NRG3: variants seen among roughly 807,000 people sequenced by gnomAD.
NRG3 encodes the protein neuregulin 3.
NRG3 carries 31 observed loss-of-function variants against 66.9 expected under a neutral mutation model. The observed-to-expected ratio is 0.46, with a 90% CI of 0.35 to 0.63. The LOEUF is 0.63. Ranked by LOEUF, NRG3 falls within the 20% of genes least tolerant of loss-of-function variation. The probability of loss-of-function intolerance (pLI) is 0.00; values close to 1 mark genes in which losing one functional copy is unlikely to be tolerated. For missense variants in NRG3, 910 were observed against 878.9 expected, an observed-to-expected ratio of 1.04 and a Z score of -0.45; for synonymous variants, 393 against 359.4, an observed-to-expected ratio of 1.09 and a Z score of -1.06.
intron 3 of NRG3, among the ~76,000 whole-genome samples, chr10:82,849,198 G>T (rs956088183): frequency 2.0e-5 from 3 of 152,168 alleles, no homozygotes; most frequent in Non-Finnish European, 2.9e-5. Flanking sequence ...TAAAGATGAA[G>T]GGAGAGATTG....
rs533921890 is a variant in NRG3, at chr10:82,301,122, T to C, written c.824-57617T>C. 8.5e-5 allele frequency among the ~76,000 whole-genome samples: 13 copies of C among 152,368 alleles called. No individual in the cohort carries two copies. In the South Asian group the frequency reaches 2.7e-3, roughly 32 times the overall value. ...AATATGTAATATTTGTGCTGTGTTT[T>C]AACAGTGGCGTGTGACATCTGTTGA... On this transcript the variant is annotated intron_variant, in intron 1 of 8. Coordinates refer to ENST00000372141, the MANE Select transcript of NRG3 (RefSeq NM_001010848.4).
At chr10:82,926,665 T>C (rs999162699) in intron 4 of NRG3, among the ~76,000 whole-genome samples, 1 of 152,322 alleles carries the variant, frequency 6.6e-6, no homozygotes, top group Non-Finnish European at 1.5e-5. Flanking sequence ...GCTCATTTGA[T>C]TACAACAAAC....
At chr10:82,656,972 C>T (rs2051920128) in intron 2 of NRG3, among the ~76,000 whole-genome samples, 1 of 152,086 alleles carries the variant, frequency 6.6e-6, no homozygotes, top group Non-Finnish European at 1.5e-5. Context: ...CGCTGGCCTC[C>T]AAGCTCTCAT....
At chr10:82,086,358 G>A (rs1355944899) in intron 1 of NRG3, among the ~76,000 whole-genome samples, 1 of 152,080 alleles carries the variant, frequency 6.6e-6, no homozygotes. Context: ...CTAAATATCA[G>A]ATCTTACTTT....
chr10:82,898,421 C>T (rs1843868543), intron 4 of NRG3, among the ~76,000 whole-genome samples: 1 of 152,150 alleles, frequency 6.6e-6, no homozygotes, highest in African/African-American at 2.4e-5. Flanking sequence ...CTGGAGGCTC[C>T]CTACCCAGAT....
At chr10:82,029,355 A>T (rs2132859671) in intron 1 of NRG3, among the ~76,000 whole-genome samples, 1 of 152,278 alleles carries the variant, frequency 6.6e-6, no homozygotes, top group South Asian at 2.1e-4. Flanking sequence ...TCCCAAAGTG[A>T]ATGGGATTAA....
intron 2 of NRG3, among the ~76,000 whole-genome samples, chr10:82,632,703 A>G (rs2049925476): frequency 6.6e-6 from 1 of 152,192 alleles, no homozygotes; most frequent in Non-Finnish European, 1.5e-5. Flanking sequence ...AGGTACCCCA[A>G]AATACTTGTG....
intron 2 of NRG3, among the ~76,000 whole-genome samples, chr10:82,393,081 G>C (rs1056469728): frequency 2.6e-5 from 4 of 152,012 alleles, no homozygotes; most frequent in Non-Finnish European, 5.9e-5. Flanking sequence ...CTTAAGTATG[G>C]TTTGTCTATA....
chr10:82,594,699 C>T (rs2047171155), intron 2 of NRG3, among the ~76,000 whole-genome samples: 1 of 152,126 alleles, frequency 6.6e-6, no homozygotes, highest in Non-Finnish European at 1.5e-5. Flanking sequence ...TGTCTAGATT[C>T]TAGCTGTAGC....
chr10:82,890,116 T>A (rs1251273090), intron 4 of NRG3, among the ~76,000 whole-genome samples: 2 of 143,264 alleles, frequency 1.4e-5, no homozygotes, highest in Non-Finnish European at 3.0e-5. Context: ...GGACTCTAGA[T>A]GATCTGCTAA....
chr10:82,721,770 T>C (rs1052867671), intron 2 of NRG3, among the ~76,000 whole-genome samples: 25 of 152,154 alleles, frequency 1.6e-4, no homozygotes, highest in Non-Finnish European at 3.2e-4. Flanking sequence ...TATCACTATT[T>C]GAGAGAATAT....
chr10:82,964,739 C>T (rs931613208), intron 6 of NRG3, among the ~76,000 whole-genome samples: 1 of 152,144 alleles, frequency 6.6e-6, no homozygotes, highest in African/African-American at 2.4e-5. Context: ...ACATTTAAAA[C>T]TGCCTAAAAA....
intron 1 of NRG3, among the ~76,000 whole-genome samples, chr10:82,203,865 G>C (rs2074977054): frequency 6.6e-6 from 1 of 152,070 alleles, no homozygotes; most frequent in Admixed American, 6.6e-5. Context: ...TTTAAAAACA[G>C]AATATTTAGC....
chr10:82,011,474 A>G (rs1394358387), intron 1 of NRG3, among the ~76,000 whole-genome samples: 3 of 152,086 alleles, frequency 2.0e-5, no homozygotes, highest in Non-Finnish European at 4.4e-5. Context: ...ACATTTGAAA[A>G]CACAATCATG....
intron 1 of NRG3, among the ~76,000 whole-genome samples, chr10:82,026,523 C>G (rs1345604043): frequency 3.9e-5 from 6 of 151,952 alleles, no homozygotes; most frequent in African/African-American, 1.4e-4. Context: ...AAATTTGATT[C>G]TTAATCACAG....
intron 1 of NRG3, among the ~76,000 whole-genome samples, chr10:81,962,939 C>A (rs1348067362): frequency 1.3e-5 from 2 of 152,082 alleles, no homozygotes; most frequent in African/African-American, 2.4e-5. Context: ...CCAGTTAAGA[C>A]CTCTGCTTAT....
intron 1 of NRG3, among the ~76,000 whole-genome samples, chr10:82,262,290 G>A (rs562344267): frequency 1.3e-5 from 2 of 152,306 alleles, no homozygotes; most frequent in South Asian, 4.1e-4. Context: ...ACACGGAGTA[G>A]TGACAATCCT....
intron 1 of NRG3, among the ~76,000 whole-genome samples, chr10:82,019,533 T>C (rs1490717427): frequency 6.6e-6 from 1 of 152,226 alleles, no homozygotes; most frequent in Non-Finnish European, 1.5e-5. Flanking sequence ...TCCTTGTACC[T>C]CTGGTAGAAT....
chr10:82,238,427 G>T (rs193218845), intron 1 of NRG3, among the ~76,000 whole-genome samples: 1 of 152,130 alleles, frequency 6.6e-6, no homozygotes, highest in African/African-American at 2.4e-5. Flanking sequence ...TGCCAGTGGG[G>T]AAAGAGTCAT....
Sources: gnomAD v4.1 joint callset for allele counts (sites outside exome capture counted in the v4.1 genomes callset) on GRCh38, gnomAD v4.1.1 for gene constraint, MANE v1.5 for transcripts, NCBI Gene and HGNC (gene_info 2026-07-23, HGNC 2026-07-21) for gene names.